Variants in ABCA12 observed in about 807,000 individuals in gnomAD.
ABCA12 encodes the protein ATP binding cassette subfamily A member 12.
Under a neutral mutation model 293.5 loss-of-function variants are expected in ABCA12, and 156 were observed. The observed-to-expected ratio is 0.53, with a 90% CI of 0.47 to 0.61. The LOEUF is 0.61. Ranked by LOEUF, ABCA12 falls within the 20% of genes least tolerant of loss-of-function variation. ABCA12 has a pLI of 0.00. For missense variants in ABCA12, 2,797 were observed against 3,090.2 expected (o/e 0.91, Z 2.25); for synonymous variants, 1,063 against 1,108.0 (o/e 0.96, Z 0.81).
chr2:215,026,191 G>A (rs1700740958), intron 10 of ABCA12, among the ~76,000 whole-genome samples: 1 of 152,084 alleles, frequency 6.6e-6, no homozygotes, highest in Non-Finnish European at 1.5e-5. Context: ...TATTTGTTGT[G>A]CTATTTGCTT....
intron 51 of ABCA12, among the ~76,000 whole-genome samples, chr2:214,935,519 G>C (rs1026921303): frequency 6.6e-6 from 1 of 152,162 alleles, no homozygotes; most frequent in Non-Finnish European, 1.5e-5. Context: ...AAGCTAGGCC[G>C]AGTGTGGTGG....
chr2:215,013,877 C>T (rs1405397717), intron 15 of ABCA12, among the ~76,000 whole-genome samples: 4 of 152,056 alleles, frequency 2.6e-5, no homozygotes, highest in South Asian at 2.1e-4. Flanking sequence ...GTGGTGCAAA[C>T]GGCAAATACA....
chr2:214,981,959 TATTA>T (rs1559128657), intron 30 of ABCA12, among the ~76,000 whole-genome samples: 12 of 135,050 alleles, frequency 8.9e-5, no homozygotes, highest in South Asian at 2.3e-4. Context: ...TTATTATTAT[TATTA>T]TTATTATTAT....
chr2:214,990,294 A>G (rs944259326), intron 24 of ABCA12, among the ~76,000 whole-genome samples: 2 of 152,186 alleles, frequency 1.3e-5, no homozygotes, highest in African/African-American at 4.8e-5. Flanking sequence ...CTGTTGGTGC[A>G]TTTGTCTTTA....
intron 18 of ABCA12, among the ~76,000 whole-genome samples, chr2:215,009,051 A>G (rs926614842): frequency 6.6e-6 from 1 of 152,216 alleles, no homozygotes; most frequent in African/African-American, 2.4e-5. Flanking sequence ...CCTATTCACA[A>G]CAGCAAAGAC....
intron 2 of ABCA12, among the ~76,000 whole-genome samples, chr2:215,091,825 A>T (rs2106107237): frequency 6.6e-6 from 1 of 152,356 alleles, no homozygotes; most frequent in African/African-American, 2.4e-5. Flanking sequence ...TGCAGTGGCC[A>T]GGTGTTCCTC....
Position 214,948,734 on chromosome 2 carries a change from A to T in ABCA12, c.6966T>A (p.Ser2322=). The T allele has an allele frequency of 6.2e-7, 1 of 1,614,118 alleles. No homozygotes were observed. Among genetic ancestry groups the T allele is most frequent in the Non-Finnish European group, 8.5e-7 (1 of 1,179,980 alleles). Residue 2322 remains serine, a synonymous_variant, in exon 47 of 53, where the codon TCT becomes TCA. Coordinates refer to ENST00000272895, the MANE Select transcript of ABCA12 (RefSeq NM_173076.3). ...AGCTGTGAGAATCAACGTGACCCAG[A>T]GATCTGAATTGAGAGAATCAAAAAC... is the stretch of plus-strand genomic sequence containing the variant. ...GNILIRNKTG[S]LGHVDSHSSL... is the part of the protein sequence containing the mutation.
chr2:214,942,068 A>G (rs1698424264), intron 50 of ABCA12, among the ~76,000 whole-genome samples: 1 of 152,098 alleles, frequency 6.6e-6, no homozygotes, highest in Non-Finnish European at 1.5e-5. Context: ...GGTCTTTACA[A>G]TACACTTGTA....
At chr2:215,031,606 G>T (rs190433065) in intron 9 of ABCA12, among the ~76,000 whole-genome samples, 5 of 152,308 alleles carry the variant, frequency 3.3e-5, no homozygotes, top group African/African-American at 7.2e-5. Flanking sequence ...CTGAAAAAGA[G>T]ATTTTCTTGT....
intron 1 of ABCA12, among the ~76,000 whole-genome samples, chr2:215,136,711 A>C (rs1320674552): frequency 6.6e-6 from 1 of 152,138 alleles, no homozygotes; most frequent in Non-Finnish European, 1.5e-5. Flanking sequence ...ATCCCTCACT[A>C]ATCTATTTGC....
At chr2:215,123,536 T>C (rs1702852834) in intron 1 of ABCA12, among the ~76,000 whole-genome samples, 1 of 152,156 alleles carries the variant, frequency 6.6e-6, no homozygotes, top group African/African-American at 2.4e-5. Context: ...ACTTTGCTAT[T>C]GTAAGTAGTG....
chr2:215,120,072 A>G (rs1702773117), intron 1 of ABCA12, among the ~76,000 whole-genome samples: 1 of 152,226 alleles, frequency 6.6e-6, no homozygotes, highest in Admixed American at 6.5e-5. Flanking sequence ...ACCATGGAAT[A>G]TTACATAGCC....
chr2:215,059,704 G>A (rs987573718), intron 3 of ABCA12, among the ~76,000 whole-genome samples: 16 of 151,918 alleles, frequency 1.1e-4, no homozygotes, highest in African/African-American at 3.6e-4. Context: ...CATAGAATAT[G>A]GGGAGAAGGA....
intron 11 of ABCA12, chr2:215,025,449 C>T (rs996686119): frequency 7.4e-5 from 35 of 474,970 alleles, no homozygotes; most frequent in Middle Eastern, 5.9e-4. Context: ...GCATGAGCCA[C>T]GGCATCCAGC....
At chr2:214,942,511 C>G (rs550641322) in intron 50 of ABCA12, among the ~76,000 whole-genome samples, 1 of 152,120 alleles carries the variant, frequency 6.6e-6, no homozygotes, top group Admixed American at 6.6e-5. Flanking sequence ...AGATAGCTTA[C>G]TGAAAGACTG....
chr2:215,094,952 C>T (rs909638216), intron 2 of ABCA12, among the ~76,000 whole-genome samples: 1 of 152,120 alleles, frequency 6.6e-6, no homozygotes, highest in Non-Finnish European at 1.5e-5. Flanking sequence ...GGCTTCTCCA[C>T]CTACATGTGT....
intron 33 of ABCA12, 31 bp from the exon 34 acceptor site, chr2:214,976,068 C>G: frequency 6.2e-7 from 1 of 1,613,258 alleles, no homozygotes; most frequent in Non-Finnish European, 8.5e-7. Flanking sequence ...GGATATGGTT[C>G]TGGGAAATCT....
intron 15 of ABCA12, among the ~76,000 whole-genome samples, chr2:215,012,491 CA>C (rs796850884): frequency 3.3e-5 from 5 of 151,704 alleles, no homozygotes; most frequent in Middle Eastern, 3.4e-3. Flanking sequence ...ATGTATGAAA[CA>C]AAAAAAATTA....
chr2:215,010,810 T>C (rs1700355251), intron 17 of ABCA12, among the ~76,000 whole-genome samples: 1 of 152,176 alleles, frequency 6.6e-6, no homozygotes, highest in Non-Finnish European at 1.5e-5. Flanking sequence ...ACCACTAGGA[T>C]AGTACCAGAT....
Sources: gnomAD v4.1 joint callset for allele counts (sites outside exome capture counted in the v4.1 genomes callset) on GRCh38, gnomAD v4.1.1 for gene constraint, MANE v1.5 for transcripts, NCBI Gene and HGNC (gene_info 2026-07-23, HGNC 2026-07-21) for gene names.